RSF1: variants seen among roughly 807,000 people sequenced by gnomAD.
The protein encoded by RSF1 is remodeling and spacing factor 1.
RSF1 carries 13 observed loss-of-function variants against 145.2 expected under a neutral mutation model. That is an observed-to-expected ratio of 0.09 (90% CI 0.06 to 0.14). The LOEUF (loss-of-function observed/expected upper bound fraction) is 0.14. Ranked by LOEUF, RSF1 falls within the 10% of genes least tolerant of loss-of-function variation. RSF1 has a pLI of 1.00. For missense variants in RSF1, 1,517 were observed against 1,718.2 expected, an observed-to-expected ratio of 0.88 and a Z score of 2.07; for synonymous variants, 577 against 592.6, an observed-to-expected ratio of 0.97 and a Z score of 0.38.
In RSF1 at chr11:77,711,287, A is replaced by G. The variant is rs185423175; in HGVS notation, c.734-8792T>C. On this transcript the variant is annotated intron_variant, in intron 5 of 15. Coordinates refer to ENST00000308488, the MANE Select transcript of RSF1 (RefSeq NM_016578.4). ...ACACAGATAATACAATTAAGATATCATACTATTTTGTCTCAAATTATATAC... is the reference window on the plus strand; with the variant it reads ...ACACAGATAATACAATTAAGATATCGTACTATTTTGTCTCAAATTATATAC... 5.6e-3 allele frequency among the ~76,000 whole-genome samples: 849 copies of G among 152,310 alleles called. 4 individuals carry two copies. The highest frequency in any genetic ancestry group is 9.3e-3 in the Non-Finnish European group (635 of 68,032).
rs1001881641 is a variant in RSF1, at chr11:77,660,829, T to C, written c.*6088A>G. 2 of 152,168 alleles carry C rather than the reference T, an allele frequency of 1.3e-5. No individual in the cohort carries two copies. Among genetic ancestry groups the C allele is most frequent in the Non-Finnish European group, 2.9e-5 (2 of 68,012 alleles). 9.4% of individuals were successfully genotyped at this position (152,168 alleles called of 1,614,324 possible). On this transcript the variant is annotated 3_prime_UTR_variant, in exon 16 of 16. Coordinates refer to ENST00000308488, the MANE Select transcript of RSF1 (RefSeq NM_016578.4). ...TGGCAACACATGAATATAGCTTTGA[T>C]TGAAATTATGACACACTTAGATGAA...
chr11:77,790,450 T>C (rs1211067782), intron 1 of RSF1, among the ~76,000 whole-genome samples: 1 of 152,060 alleles, frequency 6.6e-6, no homozygotes, highest in Non-Finnish European at 1.5e-5. Flanking sequence ...AGCCATATCA[T>C]CCTGCCCCGG....
intron 2 of RSF1, among the ~76,000 whole-genome samples, chr11:77,753,794 C>G (rs894958175): frequency 1.3e-5 from 2 of 152,188 alleles, no homozygotes; most frequent in Non-Finnish European, 2.9e-5. Flanking sequence ...ATTGTACAAC[C>G]TAAGATTGGC....
chr11:77,691,148 T>C lies in RSF1; in HGVS notation c.2900+11A>G, dbSNP rs1427344745. 2 of 1,610,346 alleles carry C rather than the reference T, an allele frequency of 1.2e-6. No individual in the cohort carries two copies. The highest frequency in any genetic ancestry group is 1.7e-6 in the Non-Finnish European group (2 of 1,176,738). On this transcript the variant is annotated intron_variant, in intron 9 of 15. Transcript: ENST00000308488. Reference sequence around the variant, plus strand: ...TTCCCAAACAAAACATTAACACACATATAAAAATACCTTCGTTCGGCACGC... The same window carrying C: ...TTCCCAAACAAAACATTAACACACACATAAAAATACCTTCGTTCGGCACGC...
rs1460362244 is a variant in RSF1, at chr11:77,725,579, C to T, written c.699G>A (p.Glu233=). Residue 233 remains glutamate, a synonymous_variant, in exon 5 of 16, where the codon GAG becomes GAA. Transcript: ENST00000308488. ...SSRESPSLED[E]ETKKEEETPK... is the part of the protein sequence containing the mutation. ...GTGTTTCTTCCTCTTTTTTAGTCTCCTCATCCTCTAAGCTGGGACTTTCCC... is the reference window on the plus strand; with the variant it reads ...GTGTTTCTTCCTCTTTTTTAGTCTCTTCATCCTCTAAGCTGGGACTTTCCC... The T allele has an allele frequency of 1.3e-6, 2 of 1,598,712 alleles. No individual in the cohort carries two copies. Among genetic ancestry groups the T allele is most frequent in the Non-Finnish European group, 1.7e-6 (2 of 1,171,618 alleles).
intron 1 of RSF1, among the ~76,000 whole-genome samples, chr11:77,785,450 C>T (rs759361587): frequency 2.0e-5 from 3 of 152,044 alleles, no homozygotes; most frequent in South Asian, 2.1e-4. Flanking sequence ...ATTAGCCAGC[C>T]GTGGTGGCAT....
chr11:77,815,738 A>G (rs1014068040), intron 1 of RSF1, among the ~76,000 whole-genome samples: 1 of 146,830 alleles, frequency 6.8e-6, no homozygotes, highest in African/African-American at 2.4e-5. Context: ...CTCATGTTTA[A>G]TGTTTTTTTA....
At chr11:77,832,846 A>G in the RSF1 span, among the ~76,000 whole-genome samples, 1 of 151,756 alleles carries the variant, frequency 6.6e-6, no homozygotes, top group Non-Finnish European at 1.5e-5. Context: ...TTTTGGCACA[A>G]GGGACCAGTA....
intron 15 of RSF1, among the ~76,000 whole-genome samples, chr11:77,670,844 C>A (rs184804642): frequency 3.3e-5 from 5 of 151,666 alleles, no homozygotes; most frequent in African/African-American, 1.2e-4. Flanking sequence ...CGGTGGCTCA[C>A]GCCTGTAATC....
chr11:77,752,967 T>C lies in RSF1; in HGVS notation c.280-5839A>G, dbSNP rs543558914. Reference sequence around the variant, plus strand: ...TACATTCCCACCAGCACCAAAACAGTCTACAAATGCGATGGCAACACCAGG... The same window carrying C: ...TACATTCCCACCAGCACCAAAACAGCCTACAAATGCGATGGCAACACCAGG... On this transcript the variant is annotated intron_variant, in intron 2 of 15. Transcript: ENST00000308488. Among the ~76,000 whole-genome samples the C allele has an allele frequency of 5.3e-5, 8 of 152,036 alleles. No individual in the cohort carries two copies. In the East Asian group the frequency reaches 1.2e-3, roughly 22 times the overall value.
the RSF1 span, chr11:77,869,802 G>A: frequency 5.6e-6 from 9 of 1,613,860 alleles, no homozygotes; most frequent in Non-Finnish European, 6.8e-6. Context: ...GCCGAGGGAT[G>A]AGTGAGGCCT....
intron 4 of RSF1, among the ~76,000 whole-genome samples, chr11:77,735,973 A>G (rs1036865295): frequency 6.6e-6 from 1 of 152,152 alleles, no homozygotes; most frequent in African/African-American, 2.4e-5. Flanking sequence ...TCTTGACCTC[A>G]TGATCCGCCC....
At chr11:77,837,804 G>T in the RSF1 span, among the ~76,000 whole-genome samples, 1 of 152,112 alleles carries the variant, frequency 6.6e-6, no homozygotes, top group Non-Finnish European at 1.5e-5. Flanking sequence ...TGCCTATAAT[G>T]CAAGCACTTG....
At chr11:77,857,835 G>A in the RSF1 span, among the ~76,000 whole-genome samples, 10 of 151,692 alleles carry the variant, frequency 6.6e-5, no homozygotes, top group Non-Finnish European at 1.3e-4. Context: ...TAGCTGGGAC[G>A]ACAGGTGCGC....
intron 1 of RSF1, among the ~76,000 whole-genome samples, chr11:77,777,409 T>C (rs1474979158): frequency 1.3e-5 from 2 of 151,944 alleles, no homozygotes; most frequent in Admixed American, 6.6e-5. Flanking sequence ...CTGGTCAACA[T>C]GGTGAAACCC....
rs112883570 is a variant in RSF1, at chr11:77,764,983, T to C, written c.188-294A>G. Among the ~76,000 whole-genome samples, 246 of 152,270 alleles carry C rather than the reference T, an allele frequency of 1.6e-3. 2 individuals carry two copies. The highest frequency in any genetic ancestry group is 5.6e-3 in the African/African-American group (234 of 41,560). On this transcript the variant is annotated intron_variant, in intron 1 of 15. Coordinates refer to ENST00000308488, the MANE Select transcript of RSF1 (RefSeq NM_016578.4). ...CTTTGGTGATAATTATATGTCAATG[T>C]AGGTTCATCAATTATAAGAAATGTA... is the stretch of plus-strand genomic sequence containing the variant.
intron 5 of RSF1, among the ~76,000 whole-genome samples, chr11:77,714,369 C>G (rs1960757608): frequency 6.6e-6 from 1 of 152,200 alleles, no homozygotes; most frequent in Non-Finnish European, 1.5e-5. Flanking sequence ...ATCCACACCA[C>G]TATTACTTTC....
chr11:77,674,256 G>T (rs975984980), intron 14 of RSF1, among the ~76,000 whole-genome samples: 2 of 152,150 alleles, frequency 1.3e-5, no homozygotes, highest in Non-Finnish European at 2.9e-5. Flanking sequence ...CATATCTATG[G>T]TTCTTCTCTA....
rs559895640 is a variant in RSF1 at position 77,688,697 on chromosome 11, G to A, written c.2900+2462C>T. On this transcript the variant is annotated intron_variant, in intron 9 of 15. Coordinates refer to ENST00000308488, the MANE Select transcript of RSF1 (RefSeq NM_016578.4). ...CCCTCCTACTTGGGAGGCTGGGGCA[G>A]GAGGATCCCTTGAGCCCAGGAGTTC... 1.4e-3 allele frequency among the ~76,000 whole-genome samples: 216 copies of A among 152,256 alleles called. 1 individual carries two copies. The highest frequency in any genetic ancestry group is 3.5e-3 in the African/African-American group (147 of 41,556).
Sources: allele counts gnomAD v4.1 joint callset (sites outside exome capture counted in the v4.1 genomes callset), GRCh38; gene constraint gnomAD v4.1.1; transcripts MANE v1.5; gene names NCBI Gene and HGNC (gene_info 2026-07-23, HGNC 2026-07-21).